The following SH3RF3 variants were observed in gnomAD, a reference collection of about 807,000 sequenced individuals.
The protein encoded by SH3RF3 is E3 ubiquitin-protein ligase SH3RF3.
A neutral mutation model predicts 66.3 loss-of-function variants in SH3RF3; 29 were observed. The ratio of observed to expected loss-of-function variants is 0.44; its 90% CI spans 0.33 to 0.60. The LOEUF (loss-of-function observed/expected upper bound fraction) is 0.60. SH3RF3 is among the 20% of genes least tolerant of loss of function. The pLI is 0.04. For synonymous variants in SH3RF3, 583 were observed against 532.0 expected (o/e 1.10, Z -1.32); for missense variants, 1,194 against 1,190.9 (o/e 1.00, Z -0.04).
chr2:109,281,978 T>C (rs1680904015), intron 1 of SH3RF3, among the ~76,000 whole-genome samples: 1 of 152,112 alleles, frequency 6.6e-6, no homozygotes, highest in Non-Finnish European at 1.5e-5. Context: ...GGCCGAGCGC[T>C]GGGCCAGGCT....
chr2:109,137,017 A>G (rs542525156), intron 1 of SH3RF3, among the ~76,000 whole-genome samples: 1 of 152,348 alleles, frequency 6.6e-6, no homozygotes, highest in African/African-American at 2.4e-5. Context: ...ACCATACACT[A>G]CAGTGGACAC....
At chr2:109,489,992 C>T (rs888825760) in intron 8 of SH3RF3, among the ~76,000 whole-genome samples, 6 of 152,184 alleles carry the variant, frequency 3.9e-5, no homozygotes, top group African/African-American at 9.7e-5. Flanking sequence ...CCCACCTTGG[C>T]CTCCCAAATT....
intron 1 of SH3RF3, among the ~76,000 whole-genome samples, chr2:109,252,264 A>AC (rs1680111525): frequency 6.6e-6 from 1 of 151,646 alleles, no homozygotes; most frequent in South Asian, 2.1e-4. Context: ...GAAAAAAAAA[A>AC]AAAACTTTCA....
chr2:109,477,613 G>GGTGTGT (rs71383845), intron 8 of SH3RF3, among the ~76,000 whole-genome samples: 2,858 of 149,420 alleles, frequency 0.019, 63 homozygotes, highest in South Asian at 0.07. Flanking sequence ...GCCACAGATG[G>GGTGTGT]GTGTGTGTGT....
At position 109,456,226 on chromosome 2, in the gene SH3RF3, G is replaced by C. The variant is rs531844746; in HGVS notation, c.2148+6737G>C. ...CTGCTGGTTAGTGGCACTGGCGTTG[G>C]CTGGGCAGAAGGGGTCGCAGAGTCA... is the stretch of plus-strand genomic sequence containing the variant. On this transcript the variant is annotated intron_variant, in intron 8 of 9. Coordinates refer to ENST00000309415, the MANE Select transcript of SH3RF3 (RefSeq NM_001099289.3). Among the ~76,000 whole-genome samples the C allele has an allele frequency of 2.8e-4, 42 of 152,322 alleles. 1 individual carries two copies. The East Asian group carries it at 7.4e-3, about 27-fold the overall frequency.
chr2:109,224,259 C>G (rs1679320406), intron 1 of SH3RF3, among the ~76,000 whole-genome samples: 1 of 152,134 alleles, frequency 6.6e-6, no homozygotes, highest in South Asian at 2.1e-4. Context: ...TAGGTTTTTA[C>G]CAAGCATAGT....
chr2:109,427,300 A>ATT (rs138777099), intron 5 of SH3RF3, among the ~76,000 whole-genome samples: 1 of 152,104 alleles, frequency 6.6e-6, no homozygotes, highest in African/African-American at 2.4e-5. Context: ...AGGTACTTAC[A>ATT]TTTTTTTAGA....
intron 7 of SH3RF3, among the ~76,000 whole-genome samples, chr2:109,445,049 T>A (rs1677669135): frequency 1.3e-5 from 2 of 152,136 alleles, no homozygotes; most frequent in African/African-American, 4.8e-5. Context: ...TATATTTAAA[T>A]ACAAAACCTC....
chr2:109,197,929 G>C (rs1185151876), intron 1 of SH3RF3, among the ~76,000 whole-genome samples: 1 of 152,204 alleles, frequency 6.6e-6, no homozygotes, highest in East Asian at 1.9e-4. Flanking sequence ...CTGGCCCCTT[G>C]GGCAGCCTTG....
At chr2:109,147,666 T>C (rs774481146) in intron 1 of SH3RF3, among the ~76,000 whole-genome samples, 1 of 152,242 alleles carries the variant, frequency 6.6e-6, no homozygotes, top group Non-Finnish European at 1.5e-5. Context: ...CAATTGCCCA[T>C]GAAGTGACCT....
At chr2:109,490,984 C>CT (rs1558643749) in intron 9 of SH3RF3, 48 bp downstream of exon 9, 1 of 1,400,360 alleles carries the variant, frequency 7.1e-7, no homozygotes, top group African/African-American at 1.5e-5. Flanking sequence ...GGTTTGGCCT[C>CT]TGAGGTCTGG....
chr2:109,222,458 G>A (rs1679276971), intron 1 of SH3RF3, among the ~76,000 whole-genome samples: 1 of 151,958 alleles, frequency 6.6e-6, no homozygotes, highest in South Asian at 2.1e-4. Context: ...CCATAAATAT[G>A]TACAATTATT....
In SH3RF3 at chr2:109,456,321, C is replaced by T. The variant is rs7605170; in HGVS notation, c.2148+6832C>T. On this transcript the variant is annotated intron_variant, in intron 8 of 9. Transcript: ENST00000309415. ...GTTCCCCTATTGTCAGGCTGCCTTC[C>T]GAGGGATAAGGGGAGCCAGCATGTG... Among the ~76,000 whole-genome samples the T allele has an allele frequency of 5.4e-3, 826 of 152,310 alleles. 7 individuals carry two copies. Among genetic ancestry groups the T allele is most frequent in the African/African-American group, 0.019 (789 of 41,560 alleles).
At chr2:109,225,000 G>A (rs781578117) in intron 1 of SH3RF3, among the ~76,000 whole-genome samples, 37 of 152,072 alleles carry the variant, frequency 2.4e-4, no homozygotes, top group African/African-American at 7.7e-4. Flanking sequence ...AAAGAATTTT[G>A]TGGGTTTGAA....
chr2:109,497,657 T>C (rs937386206), intron 9 of SH3RF3, among the ~76,000 whole-genome samples: 1 of 152,194 alleles, frequency 6.6e-6, no homozygotes, highest in African/African-American at 2.4e-5. Context: ...TCAATTACTT[T>C]CCTGCAGCAG....
At chr2:109,287,727 G>C (rs1681062777) in intron 1 of SH3RF3, among the ~76,000 whole-genome samples, 1 of 152,206 alleles carries the variant, frequency 6.6e-6, no homozygotes, top group Admixed American at 6.5e-5. Flanking sequence ...CCTCTGCACA[G>C]AGCTCTTCTC....
In SH3RF3 at chr2:109,149,117, G is replaced by C. The variant is rs117428228; in HGVS notation, c.573+19004G>C. On this transcript the variant is annotated intron_variant, in intron 1 of 9. Coordinates refer to ENST00000309415, the MANE Select transcript of SH3RF3 (RefSeq NM_001099289.3). ...CAGACACTGTTCTGGGCTCTGGGAA[G>C]GAGCAGGGAGCCAAGCTGAGACTGG... Among the ~76,000 whole-genome samples the C allele has an allele frequency of 1.6e-4, 24 of 152,268 alleles. No homozygotes were observed. In the East Asian group the frequency reaches 4.6e-3, roughly 29 times the overall value.
chr2:109,179,881 C>T (rs147172870), intron 1 of SH3RF3, among the ~76,000 whole-genome samples: 35 of 152,246 alleles, frequency 2.3e-4, no homozygotes, highest in Middle Eastern at 3.4e-3. Context: ...TGCTCCTTAT[C>T]GCAGGAAAAT....
chr2:109,144,273 C>T (rs1677040649), intron 1 of SH3RF3, among the ~76,000 whole-genome samples: 2 of 152,228 alleles, frequency 1.3e-5, no homozygotes, highest in African/African-American at 2.4e-5. Flanking sequence ...ATCAAATTAT[C>T]ACTTGTATAC....
Sources: gnomAD v4.1 joint callset for allele counts (sites outside exome capture counted in the v4.1 genomes callset) on GRCh38, gnomAD v4.1.1 for gene constraint, MANE v1.5 for transcripts, NCBI Gene and HGNC (gene_info 2026-07-23, HGNC 2026-07-21) for gene names.